Variants in NBPF11 observed in about 807,000 individuals in gnomAD.
NBPF11 encodes NBPF member 11.
Under a neutral mutation model 93.9 loss-of-function variants are expected in NBPF11, and 72 were observed. The ratio of observed to expected loss-of-function variants is 0.77; its 90% CI spans 0.63 to 0.93. The LOEUF is 0.93. Ranked by LOEUF, NBPF11 falls within the 40% of genes least tolerant of loss-of-function variation. The pLI is 0.00. For synonymous variants in NBPF11, 224 were observed against 304.9 expected, an observed-to-expected ratio of 0.73 and a Z score of 2.76; for missense variants, 705 against 802.2, an observed-to-expected ratio of 0.88 and a Z score of 1.46.
intron 20 of NBPF11, among the ~76,000 whole-genome samples, chr1:148,106,573 A>C (rs1299185548): frequency 1.4e-5 from 2 of 140,272 alleles, no homozygotes; most frequent in Non-Finnish European, 3.0e-5. Context: ...GTCTCATCAA[A>C]TGCCCAGCTC....
rs1355801131 is a variant in NBPF11, at chr1:148,108,478, T to A, written c.2026+4A>T. On this transcript the variant is annotated splice_donor_region_variant and intron_variant, in intron 18 of 23. Coordinates refer to ENST00000682118, the MANE Select transcript of NBPF11 (RefSeq NM_001385469.3). ...CCTTATCACCTTCATAGAAAGGTAC[T>A]CACCATCCATGTCAACAGCCAAGCC... 2.5e-5 allele frequency: 39 copies of A among 1,533,680 alleles called. No homozygotes were observed. The highest frequency in any genetic ancestry group is 1.5e-4 in the Admixed American group (9 of 59,718).
chr1:148,115,162 C>T (rs1454701499), intron 14 of NBPF11, among the ~76,000 whole-genome samples: 237 of 15,166 alleles, frequency 0.016, 8 homozygotes, highest in African/African-American at 0.11. Context: ...AGGACTCCAT[C>T]ACAAAAAAAA....
intron 15 of NBPF11, among the ~76,000 whole-genome samples, chr1:148,111,718 G>T (rs1268570248): frequency 6.6e-6 from 1 of 151,724 alleles, no homozygotes; most frequent in Non-Finnish European, 1.5e-5. Context: ...AGAGTAAAAA[G>T]AAATGAACAA....
At chr1:148,151,691 A>C (rs1314454858) in intron 1 of NBPF11, 59 bp downstream of exon 1, 5 of 152,458 alleles carry the variant, frequency 3.3e-5, no homozygotes, top group African/African-American at 1.2e-4. Flanking sequence ...GCCTCAGCCC[A>C]GCTGTGAGCC....
At chr1:148,120,940 T>G (rs1439727105) in intron 9 of NBPF11, among the ~76,000 whole-genome samples, 1 of 152,098 alleles carries the variant, frequency 6.6e-6, no homozygotes, top group Non-Finnish European at 1.5e-5. Flanking sequence ...CTTATACGTT[T>G]CTATAAAGCA....
intron 1 of NBPF11, among the ~76,000 whole-genome samples, chr1:148,144,796 GA>G (rs1214405325): frequency 2.6e-5 from 4 of 151,842 alleles, no homozygotes; most frequent in Non-Finnish European, 5.9e-5. Context: ...ACCACAGGAA[GA>G]CCCTGTCTAC....
chr1:148,131,200 G>C (rs1476789694), intron 4 of NBPF11, among the ~76,000 whole-genome samples: 2 of 149,264 alleles, frequency 1.3e-5, no homozygotes, highest in Non-Finnish European at 3.0e-5. Context: ...TTATACAAAG[G>C]CTGGAATGTA....
intron 20 of NBPF11, 54 bp downstream of exon 20, chr1:148,106,888 C>T: frequency 1.3e-6 from 1 of 765,260 alleles, no homozygotes; most frequent in East Asian, 2.7e-5. Context: ...AGGAATATCA[C>T]CCCTATCTGG....
At chr1:148,121,301 C>G (rs1413161977) in intron 9 of NBPF11, among the ~76,000 whole-genome samples, 3 of 150,802 alleles carry the variant, frequency 2.0e-5, no homozygotes, top group Admixed American at 6.6e-5. Flanking sequence ...ACCTTGGCCT[C>G]TCAAAGTGCT....
chr1:148,103,972 A>T (rs1662905506), intron 23 of NBPF11, 60 bp from the exon 24 acceptor site: 1 of 1,609,702 alleles, frequency 6.2e-7, no homozygotes, highest in Non-Finnish European at 8.5e-7. Context: ...ACAGAGCCCC[A>T]CTAGATTTCA....
At chr1:148,126,613 T>C (rs1669178651) in intron 5 of NBPF11, among the ~76,000 whole-genome samples, 1 of 151,838 alleles carries the variant, frequency 6.6e-6, no homozygotes, top group Admixed American at 6.6e-5. Context: ...TAGAAATCAA[T>C]AACTGTGAGT....
intron 3 of NBPF11, 93 bp from the exon 4 acceptor site, chr1:148,135,906 T>G (rs1349348316): frequency 5.6e-6 from 5 of 891,376 alleles, no homozygotes; most frequent in East Asian, 2.7e-5. Flanking sequence ...TTCACTTGAG[T>G]GCCCTGTGTG....
Position 148,102,593 on chromosome 1 carries a change from G to C in NBPF11, c.*1303C>G, listed in dbSNP as rs2149150310. ...TGCAGTGTTCCCGTCAAAAAGTTTA[G>C]GCTGAATTTAATTATGAAGACATTT... On this transcript the variant is annotated 3_prime_UTR_variant, in exon 24 of 24. Transcript: ENST00000682118. The C allele has an allele frequency of 6.6e-6, 1 of 151,118 alleles. No homozygotes were observed. 9.4% of individuals were successfully genotyped at this position (151,118 alleles called of 1,614,324 possible).
At chr1:148,149,318 T>C in intron 1 of NBPF11, 1 of 1,597,010 alleles carries the variant, frequency 6.3e-7, no homozygotes, top group Non-Finnish European at 8.5e-7. Context: ...CAAGAAGACC[T>C]ACTGCTTCGA....
chr1:148,140,626 T>C (rs1208333382), intron 2 of NBPF11, among the ~76,000 whole-genome samples: 2 of 149,394 alleles, frequency 1.3e-5, no homozygotes, highest in Admixed American at 6.6e-5. Context: ...TAATAAGATA[T>C]ACAGATGGCA....
chr1:148,125,964 ACT>A (rs1669010910), intron 5 of NBPF11, among the ~76,000 whole-genome samples: 1 of 151,656 alleles, frequency 6.6e-6, no homozygotes, highest in Admixed American at 6.6e-5. Context: ...TCACCAAGGT[ACT>A]CTCTGCTTTT....
rs1331105768 is a variant in NBPF11, at chr1:148,152,234, G to T, written c.-1033C>A. On this transcript the variant is annotated 5_prime_UTR_variant, in exon 1 of 24. Transcript: ENST00000682118. ...CGCCCCTGCCAGGTTAAAGAGGCGG[G>T]AGACACACCCCCTCGGAAGCCCGGA... 1 of 152,174 alleles carries T rather than the reference G, an allele frequency of 6.6e-6. No homozygotes were observed. Among genetic ancestry groups the T allele is most frequent in the African/African-American group, 2.4e-5 (1 of 41,304 alleles). The allele number at this position is 152,174 out of a possible 1,614,324, so 9.4% of individuals were successfully genotyped here. A position where few individuals can be genotyped will look rare whatever the true frequency, so the allele number is the denominator to read the frequency against.
chr1:148,129,470 C>G (rs1327814983), intron 4 of NBPF11: 1 of 152,450 alleles, frequency 6.6e-6, no homozygotes. Flanking sequence ...GCCCCTGCAG[C>G]AACGCAAAGG....
chr1:148,119,662 A>T (rs1667374586), intron 10 of NBPF11, among the ~76,000 whole-genome samples: 1 of 151,530 alleles, frequency 6.6e-6, no homozygotes, highest in Admixed American at 6.6e-5. Context: ...TTTATTTATC[A>T]TTATTATTTT....
Sources: allele counts gnomAD v4.1 joint callset (sites outside exome capture counted in the v4.1 genomes callset), GRCh38; gene constraint gnomAD v4.1.1; transcripts MANE v1.5; gene names NCBI Gene and HGNC (gene_info 2026-07-23, HGNC 2026-07-21).